The following OCA2 variants were observed in gnomAD, a reference collection of about 807,000 sequenced individuals.
OCA2 encodes OCA2 melanosomal transmembrane protein, also known as P protein.
Under a neutral mutation model 100.2 loss-of-function variants are expected in OCA2, and 77 were observed. The ratio of observed to expected loss-of-function variants is 0.77; its 90% CI spans 0.64 to 0.93. OCA2 has a LOEUF of 0.93. Ranked by LOEUF, OCA2 falls within the 40% of genes least tolerant of loss-of-function variation. The pLI is 0.00. For missense variants in OCA2, 1,062 were observed against 1,089.1 expected, an observed-to-expected ratio of 0.98 and a Z score of 0.35; for synonymous variants, 432 against 439.2, an observed-to-expected ratio of 0.98 and a Z score of 0.21.
chr15:27,745,424 C>T, the OCA2 span, among the ~76,000 whole-genome samples: 2 of 152,166 alleles, frequency 1.3e-5, no homozygotes, highest in African/African-American at 4.8e-5. Flanking sequence ...TATCTGGACA[C>T]TCCCAAGTCT....
chr15:27,872,054 G>C, intron 19 of OCA2, 132 bp from the exon 20 acceptor site: 1 of 711,322 alleles, frequency 1.4e-6, no homozygotes, highest in East Asian at 2.6e-5. Flanking sequence ...TAAAAGATCA[G>C]ACTCAAATAC....
At chr15:28,072,220 T>C (rs1360018908) in intron 2 of OCA2, among the ~76,000 whole-genome samples, 1 of 150,166 alleles carries the variant, frequency 6.7e-6, no homozygotes, top group Non-Finnish European at 1.5e-5. Flanking sequence ...ACAAAAAAAT[T>C]AGCTGGGCTG....
rs377444257 is a variant in OCA2, at chr15:28,079,870, C to T, written c.227+1778G>A. 4.1e-4 allele frequency among the ~76,000 whole-genome samples: 62 copies of T among 151,884 alleles called. No homozygotes were observed. The East Asian group carries it at 7.3e-3, about 18-fold the overall frequency. Reference sequence around the variant, plus strand: ...ATGTGCCTGCACCTGTCAGCACCTCCCCACGCTCTCCTTCCTCCTCCACCT... The same window carrying T: ...ATGTGCCTGCACCTGTCAGCACCTCTCCACGCTCTCCTTCCTCCTCCACCT... On this transcript the variant is annotated intron_variant, in intron 2 of 23. Coordinates refer to ENST00000354638, the MANE Select transcript of OCA2 (RefSeq NM_000275.3).
At chr15:27,842,314 T>C (rs577399935) in intron 23 of OCA2, among the ~76,000 whole-genome samples, 1 of 152,326 alleles carries the variant, frequency 6.6e-6, no homozygotes, top group African/African-American at 2.4e-5. Flanking sequence ...TCAGTGGCTA[T>C]TTCTAGGTAG....
intron 3 of OCA2, among the ~76,000 whole-genome samples, chr15:28,029,164 T>C (rs1399706543): frequency 6.6e-6 from 1 of 152,200 alleles, no homozygotes; most frequent in Non-Finnish European, 1.5e-5. Flanking sequence ...GCCAGCTCAA[T>C]GGGGCATTGT....
chr15:27,873,975 T>TTG (rs1400292029), intron 19 of OCA2, among the ~76,000 whole-genome samples: 2 of 152,222 alleles, frequency 1.3e-5, no homozygotes, highest in Non-Finnish European at 2.9e-5. Context: ...GAAAAGATGA[T>TTG]TGTGTGGTAT....
chr15:27,785,867 A>C (rs996247276), intron 23 of OCA2, among the ~76,000 whole-genome samples: 1 of 152,240 alleles, frequency 6.6e-6, no homozygotes, highest in Non-Finnish European at 1.5e-5. Context: ...ATGAATAAAC[A>C]AACTGTGGTA....
At chr15:27,915,779 G>T (rs974557270) in intron 19 of OCA2, among the ~76,000 whole-genome samples, 6 of 152,174 alleles carry the variant, frequency 3.9e-5, no homozygotes, top group Non-Finnish European at 8.8e-5. Context: ...AGTCAGTTCA[G>T]CCAATGTGGA....
intron 23 of OCA2, among the ~76,000 whole-genome samples, chr15:27,832,365 G>A (rs975825096): frequency 3.3e-5 from 5 of 152,156 alleles, no homozygotes; most frequent in Non-Finnish European, 5.9e-5. Context: ...AAGAAAAATC[G>A]CATTGCAAGC....
the OCA2 span, among the ~76,000 whole-genome samples, chr15:27,735,727 AAAAAC>A: frequency 2.6e-5 from 4 of 151,302 alleles, no homozygotes; most frequent in African/African-American, 7.4e-5. Context: ...ACTGAAGGAA[AAAAAC>A]AAAACAAAAA....
At chr15:28,049,162 G>C (rs567889605) in intron 2 of OCA2, among the ~76,000 whole-genome samples, 1 of 152,056 alleles carries the variant, frequency 6.6e-6, no homozygotes, top group Non-Finnish European at 1.5e-5. Context: ...TTAAATGGGC[G>C]AAAGACTTAC....
the OCA2 span, among the ~76,000 whole-genome samples, chr15:27,748,893 T>C: frequency 3.9e-5 from 6 of 152,072 alleles, no homozygotes; most frequent in African/African-American, 1.2e-4. Flanking sequence ...CGACAGAGTA[T>C]AGAATTAGTG....
At chr15:28,031,150 A>G (rs1216480486) in intron 3 of OCA2, among the ~76,000 whole-genome samples, 1 of 152,202 alleles carries the variant, frequency 6.6e-6, no homozygotes, top group Non-Finnish European at 1.5e-5. Flanking sequence ...ATGTATGGAA[A>G]ATGTAGTCCT....
At chr15:27,960,786 C>A (rs922103199) in intron 15 of OCA2, among the ~76,000 whole-genome samples, 1 of 151,874 alleles carries the variant, frequency 6.6e-6, no homozygotes, top group African/African-American at 2.4e-5. Context: ...CACCAGTAAT[C>A]TCAGCTGCTT....
At chr15:27,765,566 C>T (rs980298723) in intron 23 of OCA2, among the ~76,000 whole-genome samples, 19 of 152,190 alleles carry the variant, frequency 1.2e-4, no homozygotes, top group African/African-American at 4.3e-4. Context: ...TAATCACTTA[C>T]GTCTTTAGAT....
chr15:27,822,490 AG>A (rs2034544516), intron 23 of OCA2, among the ~76,000 whole-genome samples: 1 of 152,224 alleles, frequency 6.6e-6, no homozygotes, highest in African/African-American at 2.4e-5. Context: ...TTCAGGTGGT[AG>A]AAGTAATTTA....
intron 19 of OCA2, among the ~76,000 whole-genome samples, chr15:27,913,892 A>C (rs1281323781): frequency 0.015 from 549 of 37,308 alleles, 6 homozygotes; most frequent in Middle Eastern, 0.019. Context: ...AGAAAGAAAG[A>C]AAGCAAGCAA....
At position 27,951,760 on chromosome 15, in the gene OCA2, G is replaced by C. The variant is rs16950651; in HGVS notation, c.1951+24C>G. On this transcript the variant is annotated intron_variant, in intron 18 of 23. Transcript: ENST00000354638. ...CCATCCAGAATGTGACAAAGCCTAT[G>C]AACCAAAGCTAAATTAGACTCACCA... 1.9e-3 allele frequency: 2,827 copies of C among 1,482,456 alleles called. 45 individuals carry two copies. In the African/African-American group the frequency reaches 0.034, roughly 18 times the overall value. 91.8% of individuals were successfully genotyped at this position (1,482,456 alleles called of 1,614,324 possible).
chr15:27,832,638 T>TGAGTCTGCTCC (rs1488912482), intron 23 of OCA2, among the ~76,000 whole-genome samples: 2 of 152,148 alleles, frequency 1.3e-5, no homozygotes, highest in Admixed American at 1.3e-4. Flanking sequence ...GGGGTCTACG[T>TGAGTCTGCTCC]TTAGCTGTGT....
Sources: gnomAD v4.1 joint callset for allele counts (sites outside exome capture counted in the v4.1 genomes callset) on GRCh38, gnomAD v4.1.1 for gene constraint, MANE v1.5 for transcripts, NCBI Gene and HGNC (gene_info 2026-07-23, HGNC 2026-07-21) for gene names.